SORL1: variants seen among roughly 807,000 people sequenced by gnomAD.
SORL1 encodes the protein sortilin-related receptor.
A neutral mutation model predicts 273.7 loss-of-function variants in SORL1; 127 were observed. That is an observed-to-expected ratio of 0.46 (90% CI 0.40 to 0.54). The LOEUF is 0.54. Ranked by LOEUF, SORL1 falls within the 20% of genes least tolerant of loss-of-function variation. The probability of loss-of-function intolerance (pLI) is 0.00; values close to 1 mark genes in which losing one functional copy is unlikely to be tolerated. For missense variants in SORL1, 2,494 were observed against 2,846.1 expected (o/e 0.88, Z 2.81); for synonymous variants, 1,031 against 1,067.4 (o/e 0.97, Z 0.66).
At chr11:121,474,898 T>G (rs1463165654) in intron 2 of SORL1, among the ~76,000 whole-genome samples, 1 of 152,246 alleles carries the variant, frequency 6.6e-6, no homozygotes, top group African/African-American at 2.4e-5. Context: ...GATAGATAAC[T>G]GTGCACCAGC....
At chr11:121,456,943 G>A (rs1470553096) in intron 1 of SORL1, among the ~76,000 whole-genome samples, 3 of 152,182 alleles carry the variant, frequency 2.0e-5, no homozygotes, top group Non-Finnish European at 4.4e-5. Context: ...AGAATTGGCT[G>A]GTTGATTCTG....
chr11:121,509,839 A>T (rs994792505), intron 6 of SORL1, among the ~76,000 whole-genome samples: 2 of 152,252 alleles, frequency 1.3e-5, no homozygotes, highest in African/African-American at 4.8e-5. Context: ...ATAAATTCTC[A>T]GACTCTATAA....
chr11:121,603,717 A>G (rs1157205954), intron 32 of SORL1, among the ~76,000 whole-genome samples: 1 of 152,228 alleles, frequency 6.6e-6, no homozygotes, highest in Non-Finnish European at 1.5e-5. Context: ...TCAAACCAGA[A>G]ATCAGCTCCT....
chr11:121,522,250 C>A (rs1252976939), intron 9 of SORL1, among the ~76,000 whole-genome samples: 1 of 152,284 alleles, frequency 6.6e-6, no homozygotes, highest in East Asian at 1.9e-4. Context: ...CTCTTTAGTT[C>A]TGAGTCACTT....
intron 6 of SORL1, among the ~76,000 whole-genome samples, chr11:121,501,548 A>C (rs972768345): frequency 6.6e-6 from 1 of 152,242 alleles, no homozygotes; most frequent in East Asian, 1.9e-4. Context: ...GAGGTTTAAT[A>C]GACTCACAGT....
chr11:121,545,798 C>T (rs544628783), intron 14 of SORL1, among the ~76,000 whole-genome samples: 47 of 152,114 alleles, frequency 3.1e-4, no homozygotes, highest in African/African-American at 7.0e-4. Context: ...TTATCTGAAA[C>T]GAGGGGATGT....
Position 121,513,086 on chromosome 11 carries a change from C to T in SORL1, c.1023C>T (p.Val341=), listed in dbSNP as rs1441327447. The T allele has an allele frequency of 6.2e-7, 1 of 1,612,798 alleles. No homozygotes were observed. The highest frequency in any genetic ancestry group is 8.5e-7 in the Non-Finnish European group (1 of 1,178,762). The change falls in exon 7 of 48, where the codon GTC becomes GTT. Residue 341 remains valine, a synonymous_variant. Transcript: ENST00000260197. ...AGCCCATGAGAGCAGCCCAGTTTGT[C>T]ACAAGACATCCTATTAATGTGAGTG... The part of the protein sequence containing the change: ...GRKPMRAAQF[V]TRHPINEYYI...
chr11:121,622,562 A>G (rs562775254), intron 45 of SORL1, among the ~76,000 whole-genome samples: 1 of 152,352 alleles, frequency 6.6e-6, no homozygotes, highest in African/African-American at 2.4e-5. Flanking sequence ...TGCTTCCCGC[A>G]GAAGCTGCAG....
At chr11:121,616,394 T>A (rs1863641681) in intron 41 of SORL1, among the ~76,000 whole-genome samples, 1 of 152,200 alleles carries the variant, frequency 6.6e-6, no homozygotes, top group Non-Finnish European at 1.5e-5. Flanking sequence ...GCTCTCATGA[T>A]TTTCCTGTCT....
intron 40 of SORL1, chr11:121,614,647 C>A: frequency 2.2e-6 from 1 of 463,948 alleles, no homozygotes; most frequent in Non-Finnish European, 3.8e-6. Flanking sequence ...CGCGGATGGG[C>A]AGCTTTAAAG....
Position 121,622,193 on chromosome 11 carries a change from C to T in SORL1, c.6096C>T (p.Ile2032=), listed in dbSNP as rs1863732830. The change falls in exon 45 of 48, where the codon ATC becomes ATT. Residue 2032 remains isoleucine (I), a synonymous_variant. Coordinates refer to ENST00000260197, the MANE Select transcript of SORL1 (RefSeq NM_003105.6). Reference sequence around the variant, plus strand: ...TATCAGCACCTGATGCCTTAAAAATCATAACAGAAAATGATCATGTTCTTC... The same window carrying T: ...TATCAGCACCTGATGCCTTAAAAATTATAACAGAAAATGATCATGTTCTTC... The part of the protein sequence containing the change: ...VSLSAPDALK[I]ITENDHVLLF... The T allele has an allele frequency of 1.2e-6, 2 of 1,611,534 alleles. No individual in the cohort carries two copies. The highest frequency in any genetic ancestry group is 2.2e-5 in the East Asian group (1 of 44,848).
chr11:121,474,320 G>A (rs1158929384), intron 2 of SORL1, among the ~76,000 whole-genome samples: 2 of 151,984 alleles, frequency 1.3e-5, no homozygotes, highest in Non-Finnish European at 2.9e-5. Flanking sequence ...GTGTCTTGCC[G>A]GGGCCAGGGG....
At chr11:121,612,165 GAAA>G (rs1863574585) in intron 39 of SORL1, 2 of 152,500 alleles carry the variant, frequency 1.3e-5, no homozygotes, top group African/African-American at 4.8e-5. Context: ...AGAAAAGAAA[GAAA>G]AAAGAAGTGG....
intron 32 of SORL1, among the ~76,000 whole-genome samples, chr11:121,597,494 G>C (rs1453419294): frequency 6.8e-6 from 1 of 147,636 alleles, no homozygotes; most frequent in Non-Finnish European, 1.5e-5. Flanking sequence ...ATCTCGCTCT[G>C]TTGCCCAGGC....
At chr11:121,464,691 A>G (rs918165052) in intron 1 of SORL1, among the ~76,000 whole-genome samples, 3 of 152,162 alleles carry the variant, frequency 2.0e-5, no homozygotes, top group South Asian at 4.1e-4. Flanking sequence ...GAGGCGAGTC[A>G]AGGTGTGGGT....
intron 25 of SORL1, among the ~76,000 whole-genome samples, chr11:121,581,492 T>C (rs904856943): frequency 6.6e-6 from 1 of 152,212 alleles, no homozygotes; most frequent in African/African-American, 2.4e-5. Flanking sequence ...GGATTCTTTT[T>C]CTTCCCTAAA....
intron 11 of SORL1, among the ~76,000 whole-genome samples, chr11:121,525,748 C>G (rs1332000356): frequency 6.6e-6 from 1 of 152,180 alleles, no homozygotes; most frequent in East Asian, 1.9e-4. Flanking sequence ...AATCTTTTGC[C>G]TTTTTGAAAA....
At position 121,566,725 on chromosome 11, in the gene SORL1, A is replaced by C. The variant is rs567213693; in HGVS notation, c.3050-215A>C. On this transcript the variant is annotated intron_variant, in intron 21 of 47. Coordinates refer to ENST00000260197, the MANE Select transcript of SORL1 (RefSeq NM_003105.6). Reference sequence around the variant, plus strand: ...CTGCTGCCTGGCTTGGCTCTGGGGCAGTCTGATCTGGCTGAAGACAGGATG... The same window carrying C: ...CTGCTGCCTGGCTTGGCTCTGGGGCCGTCTGATCTGGCTGAAGACAGGATG... 4 of 491,174 alleles carry C rather than the reference A, an allele frequency of 8.1e-6. No homozygotes were observed. The East Asian group carries it at 1.4e-4, about 17-fold the overall frequency. 30.4% of individuals were successfully genotyped at this position (491,174 alleles called of 1,614,324 possible).
chr11:121,574,123 G>A (rs1862888590), intron 23 of SORL1, 118 bp from the exon 24 acceptor site: 1 of 1,003,442 alleles, frequency 1.0e-6, no homozygotes, highest in Admixed American at 2.1e-5. Context: ...TTTAATTTCT[G>A]TTGCTACAAT....
Sources: gnomAD v4.1 joint callset for allele counts (sites outside exome capture counted in the v4.1 genomes callset) on GRCh38, gnomAD v4.1.1 for gene constraint, MANE v1.5 for transcripts, NCBI Gene and HGNC (gene_info 2026-07-23, HGNC 2026-07-21) for gene names.